The following BCKDHB variants were observed in gnomAD, a reference collection of about 807,000 sequenced individuals.
BCKDHB encodes branched chain keto acid dehydrogenase E1 subunit beta.
BCKDHB carries 41 observed loss-of-function variants against 48.5 expected under a neutral mutation model. The observed-to-expected ratio is 0.85, with a 90% CI of 0.66 to 1.10. The LOEUF (loss-of-function observed/expected upper bound fraction) is 1.10. Among genes scored for constraint, BCKDHB ranks in the 50% least tolerant of loss-of-function variants. BCKDHB has a pLI of 0.00. For missense variants in BCKDHB, 496 were observed against 494.2 expected, an observed-to-expected ratio of 1.00 and a Z score of -0.03; for synonymous variants, 201 against 174.8, an observed-to-expected ratio of 1.15 and a Z score of -1.18.
At chr6:80,125,243 C>T (rs769945966) in intron 1 of BCKDHB, among the ~76,000 whole-genome samples, 5 of 152,094 alleles carry the variant, frequency 3.3e-5, no homozygotes, top group East Asian at 1.9e-4. Context: ...GATTTTTCTT[C>T]GGCAGCTTCC....
chr6:80,120,018 C>T (rs1223833821), intron 1 of BCKDHB, among the ~76,000 whole-genome samples: 2 of 152,092 alleles, frequency 1.3e-5, no homozygotes, highest in Non-Finnish European at 1.5e-5. Flanking sequence ...CCCAGCTTCC[C>T]AATCCCCGAC....
chr6:80,209,083 G>A (rs915162294), intron 8 of BCKDHB, among the ~76,000 whole-genome samples: 2 of 151,786 alleles, frequency 1.3e-5, no homozygotes, highest in Non-Finnish European at 2.9e-5. Context: ...CCTTGGTAGT[G>A]CAAGAGAAGT....
chr6:80,409,110 C>A, the BCKDHB span, among the ~76,000 whole-genome samples: 4 of 152,076 alleles, frequency 2.6e-5, no homozygotes, highest in Admixed American at 2.6e-4. Flanking sequence ...ATCTTTATTT[C>A]TGCTTTCATT....
chr6:80,392,911 A>G, the BCKDHB span, among the ~76,000 whole-genome samples: 1 of 145,410 alleles, frequency 6.9e-6, no homozygotes, highest in African/African-American at 2.5e-5. Context: ...TCTAAATAAC[A>G]TACTTATGCC....
At chr6:80,210,737 C>T (rs1006585216) in intron 8 of BCKDHB, among the ~76,000 whole-genome samples, 12 of 152,052 alleles carry the variant, frequency 7.9e-5, no homozygotes, top group African/African-American at 2.9e-4. Context: ...CTGTCCACAC[C>T]CTTCGTTCAG....
intron 9 of BCKDHB, among the ~76,000 whole-genome samples, chr6:80,340,514 C>T (rs1019206681): frequency 6.6e-6 from 1 of 152,178 alleles, no homozygotes; most frequent in Non-Finnish European, 1.5e-5. Flanking sequence ...CCATATTCTG[C>T]ATAATACATG....
Position 80,344,131 on chromosome 6 carries a change from A to G in BCKDHB, c.*327A>G. ...GCGATTCTCCTGCCTCAGCCTGCTG[A>G]GTAGTTGGGATTACAGGCGCCCACC... On this transcript the variant is annotated 3_prime_UTR_variant, in exon 10 of 10. Coordinates refer to ENST00000320393, the MANE Select transcript of BCKDHB (RefSeq NM_183050.4). 1 of 351,464 alleles carries G rather than the reference A, an allele frequency of 2.8e-6. No individual in the cohort carries two copies. The highest frequency in any genetic ancestry group is 5.5e-6 in the Non-Finnish European group (1 of 182,710). 21.8% of individuals were successfully genotyped at this position (351,464 alleles called of 1,614,324 possible).
the BCKDHB span, among the ~76,000 whole-genome samples, chr6:80,438,432 T>G: frequency 6.6e-6 from 1 of 152,186 alleles, no homozygotes; most frequent in African/African-American, 2.4e-5. Flanking sequence ...TACATGCATG[T>G]TTTTACATGT....
the BCKDHB span, among the ~76,000 whole-genome samples, chr6:80,399,571 A>C: frequency 6.6e-6 from 1 of 152,172 alleles, no homozygotes; most frequent in Non-Finnish European, 1.5e-5. Flanking sequence ...GGAGAACTAC[A>C]AAACATTGCT....
chr6:80,222,438 C>G (rs1775499430), intron 8 of BCKDHB, among the ~76,000 whole-genome samples: 1 of 152,112 alleles, frequency 6.6e-6, no homozygotes, highest in African/African-American at 2.4e-5. Context: ...AAAATATGCC[C>G]CTCCTGATTG....
chr6:80,134,225 C>T (rs1443418959), intron 3 of BCKDHB, among the ~76,000 whole-genome samples: 1 of 152,184 alleles, frequency 6.6e-6, no homozygotes, highest in Non-Finnish European at 1.5e-5. Context: ...CTGAATTAGT[C>T]TACAGGCCTA....
At chr6:80,232,571 T>C (rs958539692) in intron 8 of BCKDHB, among the ~76,000 whole-genome samples, 8 of 150,898 alleles carry the variant, frequency 5.3e-5, no homozygotes, top group African/African-American at 1.9e-4. Context: ...TATACATTTG[T>C]ATATGTATGT....
the BCKDHB span, among the ~76,000 whole-genome samples, chr6:80,410,955 C>T: frequency 6.6e-6 from 1 of 152,212 alleles, no homozygotes; most frequent in Non-Finnish European, 1.5e-5. Flanking sequence ...GTCAACTTGT[C>T]ACAGTCATTC....
At chr6:80,417,478 G>A in the BCKDHB span, among the ~76,000 whole-genome samples, 1 of 152,150 alleles carries the variant, frequency 6.6e-6, no homozygotes, top group Non-Finnish European at 1.5e-5. Flanking sequence ...GCTTGTAATG[G>A]TCCTTCCTTT....
chr6:80,391,183 G>GTGTGTGTA, the BCKDHB span, among the ~76,000 whole-genome samples: 4 of 151,784 alleles, frequency 2.6e-5, no homozygotes, highest in Non-Finnish European at 5.9e-5. Context: ...ATATATGTGT[G>GTGTGTGTA]TGTGTGTGTG....
intron 4 of BCKDHB, among the ~76,000 whole-genome samples, chr6:80,168,605 AAAGGAAGGAAGGAGG>A (rs1772705847): frequency 9.8e-6 from 1 of 101,976 alleles, no homozygotes. Flanking sequence ...AGGAAGGAAG[AAAGGAAGGAAGGAGG>A]GAGGGAGGGA....
At chr6:80,411,467 T>G in the BCKDHB span, among the ~76,000 whole-genome samples, 1 of 152,224 alleles carries the variant, frequency 6.6e-6, no homozygotes, top group African/African-American at 2.4e-5. Context: ...GCTCAAACGC[T>G]GTGCTGGGAG....
chr6:80,290,145 A>G (rs1385822541), intron 9 of BCKDHB, among the ~76,000 whole-genome samples: 1 of 152,150 alleles, frequency 6.6e-6, no homozygotes, highest in Admixed American at 6.5e-5. Flanking sequence ...AGGCTGTCCC[A>G]GTGCCCCCAG....
chr6:80,312,420 T>C (rs557354763), intron 9 of BCKDHB, among the ~76,000 whole-genome samples: 11 of 152,298 alleles, frequency 7.2e-5, no homozygotes, highest in African/African-American at 2.4e-4. Flanking sequence ...GCTTTATTTC[T>C]TTGTCTTGCC....
Sources: allele counts gnomAD v4.1 joint callset (sites outside exome capture counted in the v4.1 genomes callset), GRCh38; gene constraint gnomAD v4.1.1; transcripts MANE v1.5; gene names NCBI Gene and HGNC (gene_info 2026-07-23, HGNC 2026-07-21).